Variants in RGS8 observed in about 807,000 individuals in gnomAD.
The protein encoded by RGS8 is regulator of G protein signaling 8.
RGS8 carries 8 observed loss-of-function variants against 21.7 expected under a neutral mutation model. The ratio of observed to expected loss-of-function variants is 0.37; its 90% confidence interval spans 0.22 to 0.66. The LOEUF is 0.66. Ranked by LOEUF, RGS8 falls within the 30% of genes least tolerant of loss-of-function variation. RGS8 has a pLI of 0.59. For synonymous variants in RGS8, 80 were observed against 83.6 expected, an observed-to-expected ratio of 0.96 and a Z score of 0.24; for missense variants, 157 against 217.9, an observed-to-expected ratio of 0.72 and a Z score of 1.76.
At chr1:182,648,097 G>A (rs1175880052) in intron 6 of RGS8, 40 bp downstream of exon 7, 1 of 1,544,846 alleles carries the variant, frequency 6.5e-7, no homozygotes, top group Non-Finnish European at 8.8e-7. Flanking sequence ...TGCAAGCTAG[G>A]AGCCATGGAT....
Position 182,666,130 on chromosome 1 carries a change from T to C in RGS8, c.129-97A>G, listed in dbSNP as rs953002555. On this transcript the variant is annotated intron_variant, in intron 4 of 6. Transcript: ENST00000483095. ...TGCTCAAGAAAACAAATTGGAAAAA[T>C]GTGGGGAAGGGTGCAGGGAGCAAAT... is the stretch of plus-strand genomic sequence containing the variant. 17 of 1,016,190 alleles carry C rather than the reference T, an allele frequency of 1.7e-5. No individual in the cohort carries two copies. In the African/African-American group the frequency reaches 2.4e-4, roughly 14 times the overall value. 62.9% of individuals were successfully genotyped at this position (1,016,190 alleles called of 1,614,324 possible).
At chr1:182,683,607 G>T (rs1664609447) in intron 1 of RGS8, among the ~76,000 whole-genome samples, 1 of 131,584 alleles carries the variant, frequency 7.6e-6, no homozygotes, top group South Asian at 2.4e-4. Flanking sequence ...AAAGAGAAGA[G>T]CAACCCTCTT....
the RGS8 span, among the ~76,000 whole-genome samples, chr1:182,715,397 C>T: frequency 2.6e-5 from 4 of 152,196 alleles, no homozygotes; most frequent in Non-Finnish European, 5.9e-5. Flanking sequence ...ACGCTCCCCA[C>T]TCCCCATCTG....
At chr1:182,646,147 A>G (rs561467108) in exon 7 of RGS8, 4 of 152,430 alleles carry the variant, frequency 2.6e-5, no homozygotes, top group African/African-American at 9.6e-5. Flanking sequence ...CACTGGTCCA[A>G]TGGAAATGGA....
chr1:182,680,538 C>A (rs1349073096), intron 1 of RGS8, among the ~76,000 whole-genome samples: 3 of 152,142 alleles, frequency 2.0e-5, no homozygotes, highest in African/African-American at 7.2e-5. Context: ...GCACACTTCT[C>A]TATGTCAGCA....
intron 5 of RGS8, among the ~76,000 whole-genome samples, chr1:182,656,635 C>T (rs996360689): frequency 6.6e-6 from 1 of 152,160 alleles, no homozygotes; most frequent in Non-Finnish European, 1.5e-5. Context: ...AATGTGGTGG[C>T]CTGCATTTCC....
rs1398161889 is a variant in RGS8, at chr1:182,666,305, AAAGGT to A, written c.129-277_129-273del. Among the ~76,000 whole-genome samples, 4 of 152,242 alleles carry A rather than the reference AAAGGT, an allele frequency of 2.6e-5. No homozygotes were observed. In the East Asian group the frequency reaches 7.7e-4, roughly 29 times the overall value. On this transcript the variant is annotated intron_variant, in intron 4 of 6. Transcript: ENST00000483095. ...ACAAAGCTAAGTAAGTACATGATTT[AAAGGT>A]ATCGAGGTAACAATGGAAAGAAACT...
the RGS8 span, among the ~76,000 whole-genome samples, chr1:182,718,616 T>C: frequency 1.3e-5 from 2 of 152,088 alleles, no homozygotes; most frequent in African/African-American, 4.8e-5. Flanking sequence ...AGACTCCACA[T>C]AACAGCTGAG....
chr1:182,744,156 A>G, the RGS8 span, among the ~76,000 whole-genome samples: 2 of 152,056 alleles, frequency 1.3e-5, no homozygotes, highest in East Asian at 3.8e-4. Context: ...ATAAAATCCA[A>G]TGTTGTTTGT....
At chr1:182,643,455 T>A (rs1276743908), downstream of RGS8, 1 of 152,046 alleles carries the variant, frequency 6.6e-6, no homozygotes, top group Admixed American at 6.6e-5. Flanking sequence ...AGCTTCTGAT[T>A]TGGCTGTTCT....
At chr1:182,665,732 C>T (rs544336856) in intron 5 of RGS8, among the ~76,000 whole-genome samples, 2 of 152,320 alleles carry the variant, frequency 1.3e-5, no homozygotes, top group Admixed American at 6.5e-5. Flanking sequence ...AATACGAAGG[C>T]TTCTTGGGAT....
At chr1:182,689,566 C>T (rs1223320989), upstream of RGS8, among the ~76,000 whole-genome samples, 2 of 152,088 alleles carry the variant, frequency 1.3e-5, no homozygotes, top group African/African-American at 4.8e-5. Context: ...GAATGCAGAG[C>T]CCACTAACAG....
chr1:182,734,771 C>T, the RGS8 span: 1 of 152,118 alleles, frequency 6.6e-6, no homozygotes, highest in East Asian at 1.9e-4. Flanking sequence ...AGGTTCAGAG[C>T]CTATAATCAC....
chr1:182,643,134 G>C (rs1222779658), downstream of RGS8: 1 of 152,290 alleles, frequency 6.6e-6, no homozygotes, highest in African/African-American at 2.4e-5. Flanking sequence ...CATGGCCGCT[G>C]CCCAGCAATG....
At chr1:182,720,882 TATATATACAC>T in the RGS8 span, among the ~76,000 whole-genome samples, 1 of 126,076 alleles carries the variant, frequency 7.9e-6, no homozygotes, top group East Asian at 2.3e-4. Flanking sequence ...CATATATGTA[TATATATACAC>T]ATATATATAC....
At chr1:182,741,402 C>A in the RGS8 span, among the ~76,000 whole-genome samples, 2 of 114,284 alleles carry the variant, frequency 1.8e-5, no homozygotes, top group African/African-American at 6.8e-5. Context: ...GCTGGCCGGG[C>A]GGGGGGCTGA....
chr1:182,677,017 T>A (rs886415239), upstream of RGS8, among the ~76,000 whole-genome samples: 2 of 152,210 alleles, frequency 1.3e-5, no homozygotes, highest in Non-Finnish European at 2.9e-5. Flanking sequence ...TTGAAGATGA[T>A]CTTGGCTTCC....
chr1:182,689,288 CA>C (rs1664772976), upstream of RGS8, among the ~76,000 whole-genome samples: 3 of 149,686 alleles, frequency 2.0e-5, no homozygotes, highest in African/African-American at 7.7e-5. Flanking sequence ...CACACACACA[CA>C]CACACACACA....
At chr1:182,654,082 C>T (rs920023072) in intron 5 of RGS8, among the ~76,000 whole-genome samples, 4 of 152,146 alleles carry the variant, frequency 2.6e-5, no homozygotes, top group African/African-American at 7.2e-5. Flanking sequence ...CAAAGCTGAT[C>T]CATAGATAAT....
Sources: gnomAD v4.1 joint callset for allele counts (sites outside exome capture counted in the v4.1 genomes callset) on GRCh38, gnomAD v4.1.1 for gene constraint, MANE v1.5 for transcripts, NCBI Gene and HGNC (gene_info 2026-07-23, HGNC 2026-07-21) for gene names.